ZC3H18: variants seen among roughly 807,000 people sequenced by gnomAD.
The protein encoded by ZC3H18 is zinc finger CCCH domain-containing protein 18.
Under a neutral mutation model 106.1 loss-of-function variants are expected in ZC3H18, and 8 were observed. The ratio of observed to expected loss-of-function variants is 0.08; its 90% confidence interval spans 0.04 to 0.14. The LOEUF is 0.14. Among genes scored for constraint, ZC3H18 ranks in the 10% least tolerant of loss-of-function variants. The pLI, the probability that ZC3H18 is intolerant of heterozygous loss-of-function variation, is 1.00. For missense variants in ZC3H18, 1,318 were observed against 1,278.4 expected (o/e 1.03, Z -0.47); for synonymous variants, 635 against 522.1 (o/e 1.22, Z -2.95).
At chr16:88,576,340 C>T (rs1254101610) in intron 1 of ZC3H18, among the ~76,000 whole-genome samples, 1 of 152,174 alleles carries the variant, frequency 6.6e-6, no homozygotes, top group Non-Finnish European at 1.5e-5. Context: ...CCGTACCTGG[C>T]CAGCCTCGTC....
At position 88,627,646 on chromosome 16, in the gene ZC3H18, C is replaced by T. The variant is rs1394601229; in HGVS notation, c.2133C>T (p.Ser711=). ...RSRSLSVSSV[S]SVSSATSSSS... Reference sequence around the variant, plus strand: ...GGTCCCTGAGCGTGAGCAGCGTCTCCTCAGTGTCCAGTGCTACGTCGAGCA... The same window carrying T: ...GGTCCCTGAGCGTGAGCAGCGTCTCTTCAGTGTCCAGTGCTACGTCGAGCA... Residue 711 remains serine (S), a synonymous_variant, in exon 14 of 18, where the codon TCC becomes TCT. Transcript: ENST00000301011. This position sits in a 1 kb window ranked among gnomAD's most constrained non-coding sequence, Gnocchi z 4.5. The T allele has an allele frequency of 6.2e-7, 1 of 1,608,582 alleles. No individual in the cohort carries two copies. Among genetic ancestry groups the T allele is most frequent in the Non-Finnish European group, 8.5e-7 (1 of 1,175,540 alleles).
At position 88,631,323 on chromosome 16, in the gene ZC3H18, G is replaced by C; in HGVS notation, c.*24G>C. ...AGGCCGTGCCCCGACCGGACTGGAC[G>C]CATTTTTATACATAGGGTAAGCGCA... On this transcript the variant is annotated 3_prime_UTR_variant, in exon 18 of 18. Transcript: ENST00000301011. The C allele has an allele frequency of 6.4e-7, 1 of 1,555,994 alleles. No individual in the cohort carries two copies. Among genetic ancestry groups the C allele is most frequent in the Non-Finnish European group, 8.7e-7 (1 of 1,149,510 alleles).
intron 8 of ZC3H18, among the ~76,000 whole-genome samples, chr16:88,612,637 C>T (rs1306801773): frequency 1.4e-5 from 2 of 148,124 alleles, no homozygotes; most frequent in African/African-American, 5.0e-5. Context: ...TACAATCGCA[C>T]GGCTGCACTC....
intron 7 of ZC3H18, among the ~76,000 whole-genome samples, chr16:88,609,441 G>A (rs771411522): frequency 6.6e-6 from 1 of 151,904 alleles, no homozygotes; most frequent in Non-Finnish European, 1.5e-5. Context: ...GGGACCACAC[G>A]CATGCACCAC....
intron 5 of ZC3H18, among the ~76,000 whole-genome samples, chr16:88,599,062 C>T (rs1209833926): frequency 6.6e-6 from 1 of 152,196 alleles, no homozygotes; most frequent in Non-Finnish European, 1.5e-5. Context: ...GGCAGCAGCC[C>T]AGTAGGCCAG....
At chr16:88,578,551 A>G (rs778086100) in intron 2 of ZC3H18, among the ~76,000 whole-genome samples, 32 of 151,682 alleles carry the variant, frequency 2.1e-4, no homozygotes, top group Admixed American at 2.0e-4. Flanking sequence ...TTTTTGAAAG[A>G]TCCTGGGGAA....
chr16:88,582,259 C>T (rs1179049134), intron 2 of ZC3H18, among the ~76,000 whole-genome samples: 2 of 100,652 alleles, frequency 2.0e-5, no homozygotes, highest in East Asian at 3.4e-4. Context: ...GAGTCTTGCT[C>T]TGTTGCCCAG....
chr16:88,612,003 T>C (rs1362231604), intron 8 of ZC3H18, among the ~76,000 whole-genome samples: 3 of 152,084 alleles, frequency 2.0e-5, no homozygotes, highest in African/African-American at 7.2e-5. Context: ...TGAGGCACTC[T>C]AGCAGCCAGC....
intron 6 of ZC3H18, 188 bp from the exon 7 acceptor site, chr16:88,608,746 C>G (rs1266299487): frequency 4.2e-6 from 2 of 479,396 alleles, no homozygotes; most frequent in East Asian, 6.5e-5. Context: ...TGAATAGAAC[C>G]CTTTGACTTC....
At chr16:88,603,649 G>C (rs1280337636) in intron 6 of ZC3H18, among the ~76,000 whole-genome samples, 2 of 145,668 alleles carry the variant, frequency 1.4e-5, no homozygotes, top group Admixed American at 1.4e-4. Context: ...TTGAGACGGA[G>C]TCTGGCTCTG....
intron 17 of ZC3H18, 56 bp from the exon 18 acceptor site, chr16:88,631,045 C>T (rs978981765): frequency 6.2e-7 from 1 of 1,605,976 alleles, no homozygotes; most frequent in Non-Finnish European, 8.5e-7. Context: ...GAGGTCACCC[C>T]TTCCACCTGC....
At chr16:88,571,373 C>T (rs986320448) in intron 1 of ZC3H18, among the ~76,000 whole-genome samples, 4 of 152,172 alleles carry the variant, frequency 2.6e-5, no homozygotes, top group Admixed American at 6.5e-5. Flanking sequence ...TGGGGTGTAG[C>T]AAGGTGCTCA....
chr16:88,590,994 G>A (rs1434418911), intron 3 of ZC3H18, among the ~76,000 whole-genome samples: 5 of 137,028 alleles, frequency 3.6e-5, no homozygotes, highest in African/African-American at 5.4e-5. Flanking sequence ...TTTTTGAGAT[G>A]GAGTCTTGCT....
At chr16:88,578,980 G>C (rs560764840) in intron 2 of ZC3H18, among the ~76,000 whole-genome samples, 1 of 152,176 alleles carries the variant, frequency 6.6e-6, no homozygotes, top group Non-Finnish European at 1.5e-5. Context: ...GAGGCACCAC[G>C]CCCGGCGGGT....
At chr16:88,579,101 G>C (rs915883034) in intron 2 of ZC3H18, among the ~76,000 whole-genome samples, 2 of 152,220 alleles carry the variant, frequency 1.3e-5, no homozygotes, top group African/African-American at 2.4e-5. Flanking sequence ...TATAGGGTTT[G>C]AAGTATTGCT....
intron 8 of ZC3H18, among the ~76,000 whole-genome samples, chr16:88,619,140 CTCGCTATCAAAG>C (rs1905803046): frequency 6.6e-6 from 1 of 152,102 alleles, no homozygotes; most frequent in South Asian, 2.1e-4. Flanking sequence ...TGCCCGGAGA[CTCGCTATCAAAG>C]TGCAGTGGAG....
rs138229118 is a variant in ZC3H18, at chr16:88,589,023, G to A, written c.688+2339G>A. On this transcript the variant is annotated intron_variant, in intron 3 of 17. Transcript: ENST00000301011. Reference sequence around the variant, plus strand: ...ACAGAGGAAGTGGCTGATTCTTACCGTTTTCTAGATCATGTCTTCTGCTGC... The same window carrying A: ...ACAGAGGAAGTGGCTGATTCTTACCATTTTCTAGATCATGTCTTCTGCTGC... Among the ~76,000 whole-genome samples, 56 of 152,270 alleles carry A rather than the reference G, an allele frequency of 3.7e-4. No homozygotes were observed. The East Asian group carries it at 8.5e-3, about 23-fold the overall frequency.
intron 9 of ZC3H18, chr16:88,622,894 A>T: frequency 2.8e-6 from 1 of 363,526 alleles, no homozygotes; most frequent in Non-Finnish European, 5.1e-6. Flanking sequence ...AAGTGGATGC[A>T]GATGAACAGA....
Position 88,631,328 on chromosome 16 carries a change from T to G in ZC3H18, c.*29T>G. 6.4e-7 allele frequency: 1 copy of G among 1,554,708 alleles called. No homozygotes were observed. On this transcript the variant is annotated 3_prime_UTR_variant, in exon 18 of 18. Coordinates refer to ENST00000301011, the MANE Select transcript of ZC3H18 (RefSeq NM_144604.4). ...GTGCCCCGACCGGACTGGACGCATT[T>G]TTATACATAGGGTAAGCGCAGCCAT...
Sources: allele counts gnomAD v4.1 joint callset (sites outside exome capture counted in the v4.1 genomes callset), GRCh38; gene constraint gnomAD v4.1.1; non-coding constraint Gnocchi (gnomAD v3.1); transcripts MANE v1.5; gene names NCBI Gene and HGNC (gene_info 2026-07-23, HGNC 2026-07-21).